Variants in NINL observed in about 807,000 individuals in gnomAD.
NINL encodes ninein like, also known as ninein-like protein.
Under a neutral mutation model 160.3 loss-of-function variants are expected in NINL, and 153 were observed. The ratio of observed to expected loss-of-function variants is 0.95; its 90% CI spans 0.84 to 1.09. NINL has a LOEUF of 1.09. NINL is among the 50% of genes least tolerant of loss of function. The pLI is 0.00. For synonymous variants in NINL, 800 were observed against 734.8 expected (o/e 1.09, Z -1.43); for missense variants, 1,829 against 1,764.0 (o/e 1.04, Z -0.66).
intron 5 of NINL, chr20:25,509,555 G>A: frequency 2.4e-6 from 1 of 422,724 alleles, no homozygotes; most frequent in South Asian, 1.7e-5. Flanking sequence ...CTGAGAGGAG[G>A]GATGCTCAGA....
intron 13 of NINL, among the ~76,000 whole-genome samples, chr20:25,486,676 T>TGGAGGCAAACCACAGACAG (rs1432467574): frequency 6.6e-5 from 10 of 152,056 alleles, no homozygotes; most frequent in Non-Finnish European, 1.5e-4. Context: ...GGTGCCCAGA[T>TGGAGGCAAACCACAGACAG]GGAGGCAAAC....
chr20:25,525,337 G>A (rs562372663), intron 2 of NINL, among the ~76,000 whole-genome samples: 56 of 152,280 alleles, frequency 3.7e-4, no homozygotes, highest in African/African-American at 1.2e-3. Flanking sequence ...TTACTGGCTG[G>A]GTTTCTTTTC....
At chr20:25,526,913 C>A (rs557678689) in intron 1 of NINL, among the ~76,000 whole-genome samples, 1 of 152,304 alleles carries the variant, frequency 6.6e-6, no homozygotes, top group Admixed American at 6.5e-5. Flanking sequence ...CGCTTGTAAT[C>A]CCAACACTTT....
chr20:25,480,050 G>T, intron 15 of NINL, 111 bp downstream of exon 15: 2 of 781,104 alleles, frequency 2.6e-6, no homozygotes, highest in South Asian at 1.5e-5. Flanking sequence ...CTCACAATGA[G>T]ACAAAGGATT....
chr20:25,471,632 C>T (rs940044581), intron 17 of NINL, among the ~76,000 whole-genome samples: 1 of 152,214 alleles, frequency 6.6e-6, no homozygotes, highest in Admixed American at 6.5e-5. Context: ...GAAGCTGAAA[C>T]CAACGCGTGA....
chr20:25,537,548 C>A (rs1419160640), intron 1 of NINL, among the ~76,000 whole-genome samples: 2 of 152,202 alleles, frequency 1.3e-5, no homozygotes, highest in Non-Finnish European at 2.9e-5. Context: ...TCCCCACACA[C>A]AAAATTAAAA....
intron 21 of NINL, among the ~76,000 whole-genome samples, chr20:25,459,613 A>C (rs2090786947): frequency 6.6e-6 from 1 of 151,682 alleles, no homozygotes; most frequent in Non-Finnish European, 1.5e-5. Flanking sequence ...ACATCTACCC[A>C]CCCAGGAAGG....
chr20:25,504,875 C>T lies in NINL; in HGVS notation c.708+13G>A, dbSNP rs781159262. 1 of 1,609,160 alleles carries T rather than the reference C, an allele frequency of 6.2e-7. No homozygotes were observed. The highest frequency in any genetic ancestry group is 8.5e-7 in the Non-Finnish European group (1 of 1,179,722). The stretch of plus-strand genomic sequence containing the variant: ...CAGGAATATGTGGCTGGGTGGCCTG[C>T]TGTGCCCCTCACCTCTTTCTCGAGT... On this transcript the variant is annotated intron_variant, in intron 6 of 23. Transcript: ENST00000278886.
chr20:25,552,388 A>G (rs2064815832), intron 1 of NINL, among the ~76,000 whole-genome samples: 2 of 152,218 alleles, frequency 1.3e-5, no homozygotes, highest in Admixed American at 1.3e-4. Context: ...AACGCTGACA[A>G]ACTAACCATA....
chr20:25,506,833 G>T (rs1339036226), intron 5 of NINL, among the ~76,000 whole-genome samples: 2 of 152,094 alleles, frequency 1.3e-5, no homozygotes, highest in Admixed American at 1.3e-4. Context: ...TCCATCTGGG[G>T]TATCTGAAAT....
At chr20:25,483,996 G>C (rs375850551) in intron 13 of NINL, among the ~76,000 whole-genome samples, 1 of 152,104 alleles carries the variant, frequency 6.6e-6, no homozygotes, top group African/African-American at 2.4e-5. Flanking sequence ...ACTTCTGCTG[G>C]GACATTTGCT....
In NINL at chr20:25,476,600, C is replaced by T. The variant is rs1568870896; in HGVS notation, c.2691G>A (p.Pro897=). Residue 897 remains proline (P), a synonymous_variant, in exon 17 of 24, where the codon CCG becomes CCA. Transcript: ENST00000278886. ...ATQSPAPAPA[P]ASHGPSERWS... ...ACCTCTCTGAGGGGCCGTGGGATGC[C>T]GGGGCAGGGGCGGGGGCCGGGCTCT... is the stretch of plus-strand genomic sequence containing the variant. 5 of 1,597,988 alleles carry T rather than the reference C, an allele frequency of 3.1e-6. No homozygotes were observed. Among genetic ancestry groups the T allele is most frequent in the African/African-American group, 2.7e-5 (2 of 74,890 alleles).
At chr20:25,509,586 G>C (rs2064030065) in intron 5 of NINL, 1 of 448,992 alleles carries the variant, frequency 2.2e-6, no homozygotes, top group African/African-American at 2.0e-5. Flanking sequence ...CCTGCTGCAA[G>C]GGTTAGCCAG....
At chr20:25,485,496 G>A (rs1298136972) in intron 13 of NINL, among the ~76,000 whole-genome samples, 1 of 152,220 alleles carries the variant, frequency 6.6e-6, no homozygotes, top group African/African-American at 2.4e-5. Context: ...GGGCCGTGAA[G>A]GGTCAGGATG....
rs576741956 is a variant in NINL, at chr20:25,534,571, T to C, written c.-11-7973A>G. Among the ~76,000 whole-genome samples the C allele has an allele frequency of 3.0e-4, 46 of 152,278 alleles. 1 individual carries two copies. The East Asian group carries it at 7.3e-3, about 24-fold the overall frequency. ...TTCGTGTACTGAACACTGGAGGCAATTGTAACACAATGGTAATCCAAACAT... is the reference window on the plus strand; with the variant it reads ...TTCGTGTACTGAACACTGGAGGCAACTGTAACACAATGGTAATCCAAACAT... On this transcript the variant is annotated intron_variant, in intron 1 of 23. Transcript: ENST00000278886.
intron 1 of NINL, among the ~76,000 whole-genome samples, chr20:25,565,792 T>C (rs1157610396): frequency 6.6e-6 from 1 of 152,160 alleles, no homozygotes; most frequent in Non-Finnish European, 1.5e-5. Context: ...TACCATCTAA[T>C]CTGCTGGGGG....
chr20:25,473,074 G>A (rs139834446), intron 17 of NINL, among the ~76,000 whole-genome samples: 4 of 152,206 alleles, frequency 2.6e-5, no homozygotes, highest in East Asian at 1.9e-4. Flanking sequence ...CAGATCAATC[G>A]CACAACCAGG....
At chr20:25,483,569 CAGAA>C (rs1479814556) in intron 13 of NINL, among the ~76,000 whole-genome samples, 1 of 152,270 alleles carries the variant, frequency 6.6e-6, no homozygotes, top group Non-Finnish European at 1.5e-5. Flanking sequence ...GAGAACATGT[CAGAA>C]AGAAAGGATG....
intron 23 of NINL, among the ~76,000 whole-genome samples, chr20:25,454,620 G>A (rs75860640): frequency 2.0e-5 from 3 of 152,262 alleles, no homozygotes; most frequent in African/African-American, 2.4e-5. Flanking sequence ...GGATCACGAT[G>A]GAGCAAAAAT....
Sources: gnomAD v4.1 joint callset for allele counts (sites outside exome capture counted in the v4.1 genomes callset) on GRCh38, gnomAD v4.1.1 for gene constraint, MANE v1.5 for transcripts, NCBI Gene and HGNC (gene_info 2026-07-23, HGNC 2026-07-21) for gene names.